Variants in BPIFB4 observed in about 807,000 individuals in gnomAD.
BPIFB4 encodes BPI fold containing family B member 4.
BPIFB4 carries 62 observed loss-of-function variants against 69.2 expected under a neutral mutation model. The observed-to-expected ratio is 0.90, with a 90% CI of 0.73 to 1.11. BPIFB4 has a LOEUF of 1.11. Among genes scored for constraint, BPIFB4 ranks in the 50% least tolerant of loss-of-function variants. The pLI, the probability that BPIFB4 is intolerant of heterozygous loss-of-function variation, is 0.00. For synonymous variants in BPIFB4, 330 were observed against 332.7 expected, an observed-to-expected ratio of 0.99 and a Z score of 0.09; for missense variants, 789 against 792.0, an observed-to-expected ratio of 1.00 and a Z score of 0.04.
chr20:33,088,951 C>G lies in BPIFB4; in HGVS notation c.927-15C>G. On this transcript the variant is annotated splice_polypyrimidine_tract_variant and intron_variant, in intron 7 of 17. Coordinates refer to ENST00000375483, the MANE Select transcript of BPIFB4 (RefSeq NM_182519.3). ...GGCTGCGAGCCTTGACCTCATCCTG[C>G]TCCTGTCTCCTTAGGCTTCTCCCCA... is the stretch of plus-strand genomic sequence containing the variant. The G allele has an allele frequency of 6.8e-6, 11 of 1,613,618 alleles. No homozygotes were observed. Among genetic ancestry groups the G allele is most frequent in the Non-Finnish European group, 9.3e-6 (11 of 1,179,624 alleles).
intron 17 of BPIFB4, among the ~76,000 whole-genome samples, chr20:33,109,993 C>G (rs1600566485): frequency 6.6e-6 from 1 of 152,204 alleles, no homozygotes; most frequent in East Asian, 1.9e-4. Flanking sequence ...ACAGACAGTT[C>G]CAGAATACCC....
Position 33,083,710 on chromosome 20 carries a change from G to C in BPIFB4, c.513G>C (p.Leu171Phe). Reference sequence around the variant, plus strand: ...CTGGGGCGGTGGGCCCAGGTGGTTTGCTGGGCACTGGAGGCATGCTGGCAG... The same window carrying C: ...CTGGGGCGGTGGGCCCAGGTGGTTTCCTGGGCACTGGAGGCATGCTGGCAG... The part of the protein sequence containing the change: ...VATGAVGPGG[L>F]LGTGGMLAAD... The change falls in exon 5 of 18, where the codon TTG becomes TTC. Residue 171 changes from leucine to phenylalanine, a missense_variant. This residue lies in a region of BPIFB4 where 611 missense variants were observed against 575.4 expected (regional missense o/e 1.06). Transcript: ENST00000375483. 6.2e-7 allele frequency: 1 copy of C among 1,613,986 alleles called. No homozygotes were observed. The highest frequency in any genetic ancestry group is 1.1e-5 in the South Asian group (1 of 91,070).
intron 12 of BPIFB4, 109 bp downstream of exon 12, chr20:33,095,262 G>A (rs921848821): frequency 1.1e-5 from 13 of 1,206,458 alleles, no homozygotes; most frequent in East Asian, 4.8e-5. Context: ...GCTCTCCCCC[G>A]AACCCCTGCT....
intron 12 of BPIFB4, among the ~76,000 whole-genome samples, chr20:33,096,527 G>A (rs570422940): frequency 2.0e-4 from 30 of 152,098 alleles, no homozygotes; most frequent in Non-Finnish European, 3.8e-4. Context: ...TGCCCACCTC[G>A]GCCTCCCAAA....
Position 33,083,576 on chromosome 20 carries a change from G to A in BPIFB4, c.379G>A (p.Glu127Lys), listed in dbSNP as rs760402683. The stretch of plus-strand genomic sequence containing the variant: ...CCGAAACAGTGGCTATCGCAGTGCC[G>A]AGAATGCATATGGAGGCCACAGGGG... The part of the protein sequence containing the change: ...DLRNSGYRSA[E>K]NAYGGHRGLG... Residue 127 changes from glutamate to lysine, a missense_variant, in exon 5 of 18, where the codon GAG becomes AAG. Physicochemically the swap from Glu to Lys is moderately conservative, Grantham distance 56. This residue lies in a region of BPIFB4 where 611 missense variants were observed against 575.4 expected (regional missense o/e 1.06). Transcript: ENST00000375483. The A allele has an allele frequency of 1.3e-5, 21 of 1,613,914 alleles. No homozygotes were observed. The South Asian group carries it at 1.4e-4, about 11-fold the overall frequency.
intron 17 of BPIFB4, 53 bp from the exon 18 acceptor site, chr20:33,111,361 C>A: frequency 6.2e-7 from 1 of 1,611,862 alleles, no homozygotes; most frequent in Non-Finnish European, 8.5e-7. Flanking sequence ...AGTAGCAAGG[C>A]TCTAGCCAGA....
chr20:33,081,403 C>CT, intron 2 of BPIFB4, 109 bp from the exon 3 acceptor site: 1 of 1,463,596 alleles, frequency 6.8e-7, no homozygotes, highest in Non-Finnish European at 9.0e-7. Context: ...TCCCCTCTCT[C>CT]TGGGTCCCAG....
At chr20:33,097,871 A>C (rs1981799979) in intron 13 of BPIFB4, 84 bp downstream of exon 13, 2 of 1,356,972 alleles carry the variant, frequency 1.5e-6, no homozygotes, top group South Asian at 2.8e-5. Context: ...GACCCCTTCA[A>C]ATCCCCTCAA....
rs779403776 is a variant in BPIFB4 at position 33,089,015 on chromosome 20, G to A, written c.976G>A (p.Val326Ile). The A allele has an allele frequency of 1.1e-5, 17 of 1,613,698 alleles. No homozygotes were observed. The highest frequency in any genetic ancestry group is 4.5e-5 in the East Asian group (2 of 44,866). Residue 326 changes from valine to isoleucine, a missense_variant, in exon 8 of 18, where the codon GTC (valine) becomes ATC (isoleucine). Val to Ile is a conservative substitution (Grantham distance 29). Transcript: ENST00000375483. ...DNLVNRVLAD[V>I]LPDLLCPIVD... is the part of the protein sequence containing the mutation. ...TTTAGTGAACCGAGTCCTGGCCGAC[G>A]TCCTCCCTGACTTGGTAAGAAGCTG...
rs548990533 is a variant in BPIFB4, at chr20:33,086,880, C to T, written c.926+716C>T. Among the ~76,000 whole-genome samples, 13 of 152,328 alleles carry T rather than the reference C, an allele frequency of 8.5e-5. No homozygotes were observed. The South Asian group carries it at 1.9e-3, about 22-fold the overall frequency. On this transcript the variant is annotated intron_variant, in intron 7 of 17. Coordinates refer to ENST00000375483, the MANE Select transcript of BPIFB4 (RefSeq NM_182519.3). ...CTCTTGGATGAGTACACACTCAGAG[C>T]GGAGTCTCTTTCTGTTCACTCCCTG...
intron 16 of BPIFB4, among the ~76,000 whole-genome samples, chr20:33,106,668 A>G (rs1199372371): frequency 6.6e-6 from 1 of 152,100 alleles, no homozygotes; most frequent in Non-Finnish European, 1.5e-5. Flanking sequence ...GGAACTCACA[A>G]TGTGGTGGGC....
intron 16 of BPIFB4, among the ~76,000 whole-genome samples, chr20:33,106,071 A>G (rs1375012260): frequency 1.3e-5 from 2 of 152,144 alleles, no homozygotes; most frequent in Non-Finnish European, 2.9e-5. Flanking sequence ...TAGATTCACA[A>G]TGTCCTTAGC....
rs1235710771 is a variant in BPIFB4 at position 33,081,736 on chromosome 20, C to T, written c.106+104C>T. On this transcript the variant is annotated intron_variant, in intron 3 of 17. Transcript: ENST00000375483. ...CTCCTCCTGCTAGCAGAGTTCACAT[C>T]GGGAGGCTGGGTGAATTCTACTCTC... 1.3e-5 allele frequency: 20 copies of T among 1,483,814 alleles called. No homozygotes were observed. The East Asian group carries it at 1.5e-4, about 11-fold the overall frequency. 91.9% of individuals were successfully genotyped at this position (1,483,814 alleles called of 1,614,324 possible). A position where few individuals can be genotyped will look rare whatever the true frequency, so the allele number is the denominator to read the frequency against.
intron 8 of BPIFB4, 119 bp downstream of exon 8, chr20:33,089,148 G>A: frequency 6.7e-7 from 1 of 1,484,774 alleles, no homozygotes; most frequent in Non-Finnish European, 9.2e-7. Context: ...AGAGAGCCAA[G>A]GCCTGGGGCA....
At chr20:33,081,858 G>A (rs753612181) in intron 3 of BPIFB4, among the ~76,000 whole-genome samples, 2 of 152,234 alleles carry the variant, frequency 1.3e-5, no homozygotes, top group Non-Finnish European at 2.9e-5. Flanking sequence ...ATTCTTTAGA[G>A]GCAATAGAGA....
rs139268887 is a variant in BPIFB4 at position 33,088,994 on chromosome 20, G to T, written c.955G>T (p.Val319Leu). 3.7e-6 allele frequency: 6 copies of T among 1,613,966 alleles called. No individual in the cohort carries two copies. The highest frequency in any genetic ancestry group is 5.1e-6 in the Non-Finnish European group (6 of 1,179,878). Reference sequence around the variant, plus strand: ...TCTCCCCAATCTCGTGGACAATTTAGTGAACCGAGTCCTGGCCGACGTCCT... The same window carrying T: ...TCTCCCCAATCTCGTGGACAATTTATTGAACCGAGTCCTGGCCGACGTCCT... Reference protein sequence around the residue: ...GLLPNLVDNLVNRVLADVLPD... With the variant: ...GLLPNLVDNLLNRVLADVLPD... The change falls in exon 8 of 18, where the codon GTG becomes TTG. Residue 319 changes from valine to leucine, a missense_variant. Around this residue, in one of 3 missense-constraint regions of BPIFB4, gnomAD observed 611 missense variants for 575.4 expected, o/e 1.06. Coordinates refer to ENST00000375483, the MANE Select transcript of BPIFB4 (RefSeq NM_182519.3).
intron 2 of BPIFB4, 96 bp downstream of exon 2, chr20:33,080,672 T>A (rs532098191): frequency 1.3e-5 from 2 of 152,040 alleles, no homozygotes; most frequent in South Asian, 4.2e-4. Flanking sequence ...TCCAAAGAGA[T>A]GGGAAGAGTG....
At chr20:33,107,213 T>A (rs115185144) in intron 16 of BPIFB4, among the ~76,000 whole-genome samples, 1,439 of 44,020 alleles carry the variant, frequency 0.033, no homozygotes, top group Middle Eastern at 0.056. Flanking sequence ...AAAAAAAAAA[T>A]GAAAGAAAGA....
rs147374010 is a variant in BPIFB4 at position 33,100,781 on chromosome 20, C to T, written c.1637+288C>T. Among the ~76,000 whole-genome samples, 168 of 152,232 alleles carry T rather than the reference C, an allele frequency of 1.1e-3. 1 individual carries two copies. The highest frequency in any genetic ancestry group is 3.8e-3 in the African/African-American group (158 of 41,548). On this transcript the variant is annotated intron_variant, in intron 14 of 17. Transcript: ENST00000375483. ...CTGTAGTCTCAGTGCTTTGGGAGGCCGAGGCTGGAGGACTGATTGAGGCCA... is the reference window on the plus strand; with the variant it reads ...CTGTAGTCTCAGTGCTTTGGGAGGCTGAGGCTGGAGGACTGATTGAGGCCA...
Sources: allele counts gnomAD v4.1 joint callset (sites outside exome capture counted in the v4.1 genomes callset), GRCh38; gene constraint gnomAD v4.1.1; regional missense constraint gnomAD v4.1.1; transcripts MANE v1.5; gene names NCBI Gene and HGNC (gene_info 2026-07-23, HGNC 2026-07-21).